IMMP2L: variants seen among roughly 807,000 people sequenced by gnomAD.
The protein encoded by IMMP2L is mitochondrial inner membrane protease subunit 2.
Under a neutral mutation model 19.3 loss-of-function variants are expected in IMMP2L, and 18 were observed. The observed-to-expected ratio is 0.93, with a 90% CI of 0.64 to 1.38. The LOEUF is 1.38. IMMP2L is among the 40% of genes most tolerant of loss of function. IMMP2L has a pLI of 0.00. For missense variants in IMMP2L, 233 were observed against 218.2 expected (o/e 1.07, Z -0.43); for synonymous variants, 76 against 73.0 (o/e 1.04, Z -0.21).
At position 111,281,220 on chromosome 7, in the gene IMMP2L, GAAAGAAAGAAAGAAAGAAAGAAAGA is replaced by G. The variant is rs1563005288; in HGVS notation, c.239+205993_239+206017del. 1.1e-3 allele frequency among the ~76,000 whole-genome samples: 77 copies of G among 66,980 alleles called. 1 individual carries two copies. Among genetic ancestry groups the G allele is most frequent in the South Asian group, 2.5e-3 (4 of 1,620 alleles). The allele number at this position is 66,980 out of a possible 152,430, so 43.9% of individuals were successfully genotyped here. ...AAAGAAAGAAAGAAAGAAAGAAAAA[GAAAGAAAGAAAGAAAGAAAGAAAGA>G]AGAGAGAGAGAGAAAGAGAGAGAGA... On this transcript the variant is annotated intron_variant, in intron 3 of 5. Transcript: ENST00000405709.
intron 5 of IMMP2L, among the ~76,000 whole-genome samples, chr7:110,739,026 C>A (rs936985227): frequency 6.6e-6 from 1 of 152,178 alleles, no homozygotes; most frequent in African/African-American, 2.4e-5. Flanking sequence ...GAATTCGCCA[C>A]TACCAAGCCA....
rs1752928592 is a variant in IMMP2L, at chr7:110,877,660, G to A, written c.408+8933C>T. 6.6e-6 allele frequency among the ~76,000 whole-genome samples: 1 copy of A among 152,096 alleles called. No homozygotes were observed. The highest frequency in any genetic ancestry group is 1.5e-5 in the Non-Finnish European group (1 of 68,014). ...CACTAGCTATTTTGAGCCAGACTGC[G>A]CTTAGGCCTCGGCAAGAGGCACTAC... On this transcript the variant is annotated intron_variant, in intron 5 of 5. Coordinates refer to ENST00000405709, the MANE Select transcript of IMMP2L (RefSeq NM_032549.4). The surrounding 1 kb of genome is among the most constrained non-coding windows in gnomAD (Gnocchi z 4.0).
chr7:110,669,046 T>TGC (rs1392837194), intron 5 of IMMP2L, among the ~76,000 whole-genome samples: 4 of 63,968 alleles, frequency 6.3e-5, no homozygotes, highest in African/African-American at 2.9e-4. Flanking sequence ...TGTGTGTGTG[T>TGC]GTGTGCGTGT....
Position 111,268,569 on chromosome 7 carries a change from C to CTTTTTTTTTTTTTTTT in IMMP2L, c.239+218653_239+218668dup, listed in dbSNP as rs762576425. Among the ~76,000 whole-genome samples, 10 of 44,592 alleles carry CTTTTTTTTTTTTTTTT rather than the reference C, an allele frequency of 2.2e-4. 2 individuals carry two copies. The highest frequency in any genetic ancestry group is 3.0e-4 in the Non-Finnish European group (8 of 26,636). The allele number at this position is 44,592 out of a possible 152,430, so 29.3% of individuals were successfully genotyped here. A position where few individuals can be genotyped will look rare whatever the true frequency, so the allele number is the denominator to read the frequency against. On this transcript the variant is annotated intron_variant, in intron 3 of 5. Coordinates refer to ENST00000405709, the MANE Select transcript of IMMP2L (RefSeq NM_032549.4). ...GATATGAGTTAAACTTCACATTTCTCTTTTTTTTTTTTTTTTTTTTTTTTT... is the reference window on the plus strand; with the variant it reads ...GATATGAGTTAAACTTCACATTTCTCTTTTTTTTTTTTTTTTTTTTTTTTTTTTTTTTTTTTTTTTT...
At chr7:110,734,763 A>G (rs1397881538) in intron 5 of IMMP2L, among the ~76,000 whole-genome samples, 1 of 152,234 alleles carries the variant, frequency 6.6e-6, no homozygotes, top group Non-Finnish European at 1.5e-5. Flanking sequence ...AGCCTAAAAA[A>G]TCAAGTTGCT....
chr7:111,419,834 A>C (rs1835315807), intron 3 of IMMP2L, among the ~76,000 whole-genome samples: 1 of 151,736 alleles, frequency 6.6e-6, no homozygotes, highest in Admixed American at 6.6e-5. Flanking sequence ...CACAGAACAA[A>C]ATGATAATTT....
intron 5 of IMMP2L, among the ~76,000 whole-genome samples, chr7:110,873,327 G>A (rs1293609173): frequency 1.3e-5 from 2 of 149,236 alleles, no homozygotes; most frequent in African/African-American, 2.5e-5. Context: ...CTACTCAGGA[G>A]TCTGAGGCAC....
intron 3 of IMMP2L, among the ~76,000 whole-genome samples, chr7:111,142,117 G>A (rs214846): frequency 0.052 from 7,941 of 152,106 alleles, 378 homozygotes; most frequent in African/African-American, 0.12. Context: ...CCTGAGATCG[G>A]GAGTGCGAGA....
chr7:110,933,123 T>C lies in IMMP2L; in HGVS notation c.305+30377A>G, dbSNP rs1230462621. Among the ~76,000 whole-genome samples the C allele has an allele frequency of 2.0e-5, 3 of 152,338 alleles. No homozygotes were observed. In the East Asian group the frequency reaches 5.8e-4, roughly 29 times the overall value. ...AAGTATTCAACACACTTGAAAGCAC[T>C]GCTCCTTCATTTTCATAGTGTGCTA... On this transcript the variant is annotated intron_variant, in intron 4 of 5. Coordinates refer to ENST00000405709, the MANE Select transcript of IMMP2L (RefSeq NM_032549.4).
intron 5 of IMMP2L, among the ~76,000 whole-genome samples, chr7:110,786,943 T>C (rs567565851): frequency 9.7e-4 from 147 of 152,066 alleles, no homozygotes; most frequent in Non-Finnish European, 1.6e-3. Flanking sequence ...GGAGTGCTTG[T>C]CAAATAAAAG....
chr7:111,491,816 A>AATT (rs1843131182), intron 2 of IMMP2L, among the ~76,000 whole-genome samples: 1 of 152,116 alleles, frequency 6.6e-6, no homozygotes, highest in Non-Finnish European at 1.5e-5. Flanking sequence ...TGACACTGTA[A>AATT]AGGTGACCTG....
chr7:110,716,008 T>C (rs1329749409), intron 5 of IMMP2L, among the ~76,000 whole-genome samples: 3 of 152,130 alleles, frequency 2.0e-5, no homozygotes, highest in Admixed American at 2.0e-4. Flanking sequence ...TTCATCATTA[T>C]GTAATGCCCT....
chr7:110,802,859 A>G (rs1801358801), intron 5 of IMMP2L, among the ~76,000 whole-genome samples: 1 of 152,094 alleles, frequency 6.6e-6, no homozygotes, highest in African/African-American at 2.4e-5. Flanking sequence ...ACATAGTGCA[A>G]TGGTTCAGTA....
intron 3 of IMMP2L, among the ~76,000 whole-genome samples, chr7:111,219,043 C>G (rs2129620213): frequency 6.6e-6 from 1 of 152,022 alleles, no homozygotes; most frequent in Admixed American, 6.6e-5. Context: ...GAAAACAGGG[C>G]ATGAAATAGA....
At chr7:111,410,831 A>T (rs747425884) in intron 3 of IMMP2L, among the ~76,000 whole-genome samples, 9 of 151,838 alleles carry the variant, frequency 5.9e-5, no homozygotes, top group Non-Finnish European at 1.2e-4. Context: ...ACATAGCAAC[A>T]TAAATTATTT....
intron 1 of IMMP2L, among the ~76,000 whole-genome samples, chr7:111,533,026 G>A (rs930580688): frequency 6.6e-6 from 1 of 152,186 alleles, no homozygotes; most frequent in Non-Finnish European, 1.5e-5. Context: ...CACACTTGCT[G>A]AAATGGCAAC....
chr7:111,235,470 T>TA (rs78702981), intron 3 of IMMP2L, among the ~76,000 whole-genome samples: 1,411 of 141,002 alleles, frequency 0.01, 9 homozygotes, highest in Non-Finnish European at 0.012. Flanking sequence ...AAACTCCGTC[T>TA]AAAAAAAAAA....
At chr7:110,865,348 A>G (rs1230336592) in intron 5 of IMMP2L, among the ~76,000 whole-genome samples, 2 of 152,056 alleles carry the variant, frequency 1.3e-5, no homozygotes, top group East Asian at 3.9e-4. Flanking sequence ...AAATGTAAAT[A>G]TGTTTCCTGC....
At chr7:111,058,486 G>A (rs1793714522) in intron 3 of IMMP2L, among the ~76,000 whole-genome samples, 1 of 152,142 alleles carries the variant, frequency 6.6e-6, no homozygotes, top group African/African-American at 2.4e-5. Context: ...TCATTAAATA[G>A]GAACTCAGGA....
Sources: gnomAD v4.1 joint callset for allele counts (sites outside exome capture counted in the v4.1 genomes callset) on GRCh38, gnomAD v4.1.1 for gene constraint, Gnocchi (gnomAD v3.1) non-coding constraint, MANE v1.5 for transcripts, NCBI Gene and HGNC (gene_info 2026-07-23, HGNC 2026-07-21) for gene names.